The following MAF variants were observed in gnomAD, a reference collection of about 807,000 sequenced individuals.
MAF encodes transcription factor Maf.
Under a neutral mutation model 22.0 loss-of-function variants are expected in MAF, and 10 were observed. The ratio of observed to expected loss-of-function variants is 0.45; its 90% CI spans 0.28 to 0.77. MAF has a LOEUF of 0.77. Ranked by LOEUF, MAF falls within the 30% of genes least tolerant of loss-of-function variation. The pLI is 0.12. For synonymous variants in MAF, 337 were observed against 255.8 expected (o/e 1.32, Z -3.03); for missense variants, 544 against 548.4 (o/e 0.99, Z 0.08).
the MAF span, among the ~76,000 whole-genome samples, chr16:79,441,834 G>A: frequency 1.3e-5 from 2 of 152,230 alleles, no homozygotes; most frequent in Non-Finnish European, 2.9e-5. Flanking sequence ...GCCTTCACAT[G>A]TGTAATTGGT....
the MAF span, among the ~76,000 whole-genome samples, chr16:79,541,209 T>C: frequency 6.6e-6 from 1 of 152,228 alleles, no homozygotes; most frequent in African/African-American, 2.4e-5. Context: ...CTTCAACGAC[T>C]GCTATCGTAC....
At chr16:79,265,312 A>G in the MAF span, among the ~76,000 whole-genome samples, 195 of 152,308 alleles carry the variant, frequency 1.3e-3, no homozygotes, top group Admixed American at 2.7e-3. Flanking sequence ...CACATAAATC[A>G]GCCCTCTCTC....
the MAF span, among the ~76,000 whole-genome samples, chr16:79,409,465 G>T: frequency 2.0e-5 from 3 of 152,172 alleles, no homozygotes; most frequent in East Asian, 5.8e-4. Context: ...TAGCCCACTG[G>T]AGCTGAGTTC....
At chr16:79,510,825 G>A in the MAF span, among the ~76,000 whole-genome samples, 6 of 152,176 alleles carry the variant, frequency 3.9e-5, no homozygotes, top group Non-Finnish European at 8.8e-5. Flanking sequence ...CTGCATGCAG[G>A]CCCTGAAGGT....
chr16:79,532,710 G>A, the MAF span, among the ~76,000 whole-genome samples: 93 of 152,322 alleles, frequency 6.1e-4, no homozygotes, highest in African/African-American at 1.9e-3. Context: ...GTGTGTGTGC[G>A]CGTGCATGCG....
chr16:79,316,325 C>T, the MAF span, among the ~76,000 whole-genome samples: 1 of 152,190 alleles, frequency 6.6e-6, no homozygotes, highest in African/African-American at 2.4e-5. Flanking sequence ...GTTCTAGATG[C>T]ATCTCTCCGC....
chr16:79,210,199 T>C, the MAF span, among the ~76,000 whole-genome samples: 1 of 152,086 alleles, frequency 6.6e-6, no homozygotes, highest in South Asian at 2.1e-4. Context: ...ACCAACTCCA[T>C]TGTTACTAGA....
At chr16:79,252,014 C>A in the MAF span, among the ~76,000 whole-genome samples, 1 of 152,244 alleles carries the variant, frequency 6.6e-6, no homozygotes, top group Non-Finnish European at 1.5e-5. Context: ...AACTAAGAAT[C>A]CTGCAAATAG....
the MAF span, among the ~76,000 whole-genome samples, chr16:79,570,111 G>C: frequency 1.6e-4 from 24 of 151,322 alleles, no homozygotes; most frequent in South Asian, 5.0e-3. Context: ...AGCTCAAAAG[G>C]TTAAGAAAGC....
the MAF span, chr16:79,211,951 C>G: frequency 7.2e-6 from 11 of 1,536,588 alleles, no homozygotes; most frequent in Middle Eastern, 1.7e-4. Flanking sequence ...ATCTTAAGTA[C>G]CAATGGGAAG....
At chr16:79,340,468 C>G in the MAF span, among the ~76,000 whole-genome samples, 1 of 151,008 alleles carries the variant, frequency 6.6e-6, no homozygotes, top group African/African-American at 2.4e-5. Context: ...TAGCAGAGAA[C>G]AAAGTAGTCA....
the MAF span, among the ~76,000 whole-genome samples, chr16:79,266,016 CTTTCTTTTCTTCT>C: frequency 0.033 from 5,040 of 152,002 alleles, 97 homozygotes; most frequent in East Asian, 0.12. Flanking sequence ...CTCTCCTCTC[CTTTCTTTTCTTCT>C]TTTCTTTTCT....
the MAF span, among the ~76,000 whole-genome samples, chr16:79,393,290 T>C: frequency 6.6e-6 from 1 of 152,206 alleles, no homozygotes; most frequent in African/African-American, 2.4e-5. Flanking sequence ...CTTTGGGGGT[T>C]GGCTATTCCC....
At chr16:79,570,382 C>T in the MAF span, among the ~76,000 whole-genome samples, 2 of 152,098 alleles carry the variant, frequency 1.3e-5, no homozygotes, top group Non-Finnish European at 2.9e-5. Context: ...ATTAACCCAG[C>T]CATGTTCCCT....
chr16:79,240,207 A>G, the MAF span, among the ~76,000 whole-genome samples: 11,133 of 151,826 alleles, frequency 0.073, 595 homozygotes, highest in Middle Eastern at 0.15. Context: ...GACATTCAGG[A>G]CTAAACATGT....
chr16:79,447,764 C>A, the MAF span, among the ~76,000 whole-genome samples: 9 of 151,778 alleles, frequency 5.9e-5, no homozygotes, highest in Non-Finnish European at 1.0e-4. Context: ...AGCAAGAGAA[C>A]TTGAATTACA....
the MAF span, among the ~76,000 whole-genome samples, chr16:79,555,827 TA>T: frequency 4.9e-4 from 75 of 152,246 alleles, no homozygotes; most frequent in African/African-American, 1.8e-3. Flanking sequence ...ACCAAACAGA[TA>T]ACACAGATAT....
the MAF span, among the ~76,000 whole-genome samples, chr16:79,245,270 G>C: frequency 1.3e-5 from 2 of 152,034 alleles, no homozygotes; most frequent in Non-Finnish European, 2.9e-5. Flanking sequence ...TATCGTTGGA[G>C]TGAACAGGAA....
the MAF span, among the ~76,000 whole-genome samples, chr16:79,282,154 A>G: frequency 6.6e-6 from 1 of 152,150 alleles, no homozygotes; most frequent in Non-Finnish European, 1.5e-5. Context: ...TACAAAAATT[A>G]GCCTAGTGCC....
Sources: gnomAD v4.1 joint callset for allele counts (sites outside exome capture counted in the v4.1 genomes callset) on GRCh38, gnomAD v4.1.1 for gene constraint, MANE v1.5 for transcripts, NCBI Gene and HGNC (gene_info 2026-07-23, HGNC 2026-07-21) for gene names.